Variants in RPRD2 observed in about 807,000 individuals in gnomAD.
RPRD2 encodes regulation of nuclear pre-mRNA domain containing 2.
In RPRD2, 12 loss-of-function variants were observed where a neutral mutation model predicts 104.4. The ratio of observed to expected loss-of-function variants is 0.11; its 90% confidence interval spans 0.07 to 0.19. RPRD2 has a LOEUF of 0.19. RPRD2 is among the 10% of genes least tolerant of loss of function. The probability of loss-of-function intolerance (pLI) is 1.00; values close to 1 mark genes in which losing one functional copy is unlikely to be tolerated. For missense variants in RPRD2, 1,543 were observed against 1,790.1 expected, an observed-to-expected ratio of 0.86 and a Z score of 2.49; for synonymous variants, 714 against 684.9, an observed-to-expected ratio of 1.04 and a Z score of -0.66.
At position 150,471,397 on chromosome 1, in the gene RPRD2, T is replaced by G. The variant is rs1668579164; in HGVS notation, c.2449T>G (p.Ser817Ala). 2 of 1,613,866 alleles carry G rather than the reference T, an allele frequency of 1.2e-6. No homozygotes were observed. The highest frequency in any genetic ancestry group is 1.7e-5 in the Admixed American group (1 of 60,006). The change falls in exon 11 of 11, where the codon TCA becomes GCA. Residue 817 changes from serine to alanine, a missense_variant. This residue lies in a region of RPRD2 where 880 missense variants were observed against 885.6 expected (regional missense o/e 0.99). Transcript: ENST00000369068. The surrounding 1 kb of genome is among the most constrained non-coding windows in gnomAD (Gnocchi z 5.3). The part of the protein sequence containing the change: ...MERPSSLMDS[S>A]QEKFYPDTSF... ...GAGACCATCTTCCCTGATGGACTCTTCACAGGAAAAGTTCTACCCAGATAC... is the reference window on the plus strand; with the variant it reads ...GAGACCATCTTCCCTGATGGACTCTGCACAGGAAAAGTTCTACCCAGATAC...
In RPRD2 at chr1:150,471,719, G is replaced by A. The variant is rs777786278; in HGVS notation, c.2771G>A (p.Gly924Glu). The change falls in exon 11 of 11, where the codon GGG (glycine) becomes GAG (glutamate). Residue 924 changes from glycine to glutamate, a missense_variant. By Grantham distance (98) the Gly-to-Glu change is moderately conservative (BLOSUM62 -2). Coordinates refer to ENST00000369068, the MANE Select transcript of RPRD2 (RefSeq NM_015203.5). This position sits in a 1 kb window ranked among gnomAD's most constrained non-coding sequence, Gnocchi z 5.3. ...TTCAGCGTAAGAGGGAATGAACCTG[G>A]GTCTGACCGGTCACCATCACCGAGT... The part of the protein sequence containing the change: ...GAFSVRGNEP[G>E]SDRSPSPSKN... 9 of 1,613,752 alleles carry A rather than the reference G, an allele frequency of 5.6e-6. No individual in the cohort carries two copies. In the Admixed American group the frequency reaches 6.7e-5, roughly 12 times the overall value.
chr1:150,364,708 C>T lies in RPRD2; in HGVS notation c.-7C>T, dbSNP rs782580211. 5.6e-5 allele frequency: 87 copies of T among 1,549,978 alleles called. No homozygotes were observed. The highest frequency in any genetic ancestry group is 9.6e-6 in the Non-Finnish European group (11 of 1,143,466). On this transcript the variant is annotated 5_prime_UTR_variant, in exon 1 of 11. Transcript: ENST00000369068. ...GAGGAGCAGCAGCGCTTGTGCAAAC[C>T]GGGAAGATGGCGGCCGGCGGCGGCG...
intron 7 of RPRD2, among the ~76,000 whole-genome samples, chr1:150,452,340 G>A (rs1553896814): frequency 6.6e-6 from 1 of 152,096 alleles, no homozygotes; most frequent in Non-Finnish European, 1.5e-5. Context: ...ACAGCCTGCT[G>A]ACATCTTAAT....
chr1:150,470,458 T>C (rs886246682), intron 10 of RPRD2, 103 bp from the exon 11 acceptor site: 23 of 1,225,676 alleles, frequency 1.9e-5, no homozygotes, highest in Non-Finnish European at 2.5e-5. Context: ...TTTGTCTATC[T>C]GGTTCCCACC....
At chr1:150,416,888 A>AC (rs1384471709) in intron 1 of RPRD2, among the ~76,000 whole-genome samples, 5 of 151,182 alleles carry the variant, frequency 3.3e-5, no homozygotes, top group African/African-American at 1.2e-4. Flanking sequence ...AAAAAAAAAA[A>AC]AAACAAAAAG....
intron 7 of RPRD2, among the ~76,000 whole-genome samples, chr1:150,453,045 T>C (rs1667303965): frequency 6.6e-6 from 1 of 151,348 alleles, no homozygotes; most frequent in Admixed American, 6.6e-5. Flanking sequence ...TTTTTTTTTT[T>C]TTTTGGAGAC....
At chr1:150,470,447 C>G in intron 10 of RPRD2, 114 bp from the exon 11 acceptor site, 1 of 1,112,170 alleles carries the variant, frequency 9.0e-7, no homozygotes, top group South Asian at 1.7e-5. Flanking sequence ...TGGCCTTACA[C>G]TTTGTCTATC....
At chr1:150,441,641 G>A in intron 3 of RPRD2, 1 of 360,924 alleles carries the variant, frequency 2.8e-6, no homozygotes, top group East Asian at 4.5e-5. Flanking sequence ...GTATTTTTAA[G>A]CCTCCTCCCC....
chr1:150,462,805 T>C (rs1178663959), intron 9 of RPRD2, among the ~76,000 whole-genome samples: 2 of 152,182 alleles, frequency 1.3e-5, no homozygotes, highest in African/African-American at 2.4e-5. Context: ...TCTGCTCGCG[T>C]TGGCCTCCCA....
intron 4 of RPRD2, 37 bp downstream of exon 4, chr1:150,441,995 C>T (rs201495323): frequency 2.7e-6 from 4 of 1,475,070 alleles, no homozygotes; most frequent in Non-Finnish European, 3.8e-6. Flanking sequence ...AAAATTACCT[C>T]CTCTTTTTGG....
chr1:150,379,800 T>A (rs1372536010), intron 1 of RPRD2, among the ~76,000 whole-genome samples: 1 of 152,214 alleles, frequency 6.6e-6, no homozygotes, highest in Non-Finnish European at 1.5e-5. Flanking sequence ...CCTCCCTAAG[T>A]ACTGGGATTA....
chr1:150,433,403 A>G (rs1665739104), intron 2 of RPRD2, among the ~76,000 whole-genome samples: 1 of 134,172 alleles, frequency 7.5e-6, no homozygotes, highest in South Asian at 2.4e-4. Flanking sequence ...TATAATATAT[A>G]TATACTATAT....
chr1:150,417,866 T>G, intron 2 of RPRD2, 141 bp downstream of exon 2: 1 of 496,268 alleles, frequency 2.0e-6, no homozygotes, highest in Non-Finnish European at 3.3e-6. Context: ...ATTACTTTCT[T>G]GTTAACACAC....
chr1:150,397,738 T>C (rs1378547667), intron 1 of RPRD2, among the ~76,000 whole-genome samples: 1 of 152,172 alleles, frequency 6.6e-6, no homozygotes, highest in Non-Finnish European at 1.5e-5. Context: ...AAAGCCACCA[T>C]AAACATTTCT....
At chr1:150,411,629 G>A (rs1373714786) in intron 1 of RPRD2, among the ~76,000 whole-genome samples, 177 of 107,408 alleles carry the variant, frequency 1.6e-3, no homozygotes, top group Middle Eastern at 6.8e-3. Context: ...CGTCTCTACT[G>A]AAAATACAAA....
At chr1:150,436,688 C>G (rs193279329) in intron 2 of RPRD2, among the ~76,000 whole-genome samples, 49 of 151,162 alleles carry the variant, frequency 3.2e-4, no homozygotes, top group African/African-American at 1.1e-3. Flanking sequence ...GGATGGATCA[C>G]TTGAGGTCAG....
In RPRD2 at chr1:150,459,614, C is replaced by T. The variant is rs1344034934; in HGVS notation, c.1154-446C>T. The stretch of plus-strand genomic sequence containing the variant: ...CTTGCTTTTTTTTTTTTTTTTGAGA[C>T]GGGAGTCTCGCTTTGTTGCCCAGGC... On this transcript the variant is annotated intron_variant, in intron 8 of 10. Transcript: ENST00000369068. Among the ~76,000 whole-genome samples the T allele has an allele frequency of 5.1e-5, 7 of 136,894 alleles. No homozygotes were observed. In the East Asian group the frequency reaches 6.3e-4, roughly 12 times the overall value. The allele number at this position is 136,894 out of a possible 152,430, so 89.8% of individuals were successfully genotyped here.
In RPRD2 at chr1:150,364,203, C is replaced by G. The variant is rs1355758197; in HGVS notation, c.-512C>G. 6.6e-6 allele frequency among the ~76,000 whole-genome samples: 1 copy of G among 152,200 alleles called. No individual in the cohort carries two copies. Among genetic ancestry groups the G allele is most frequent in the Non-Finnish European group, 1.5e-5 (1 of 68,042 alleles). ...GCAAAAAAAATCCTGACTAGGTAGC[C>G]TTGGACCTTTTCTGTGCTAGCGAGT... On this transcript the variant is annotated 5_prime_UTR_variant, in exon 1 of 11. Coordinates refer to ENST00000369068, the MANE Select transcript of RPRD2 (RefSeq NM_015203.5).
chr1:150,410,260 GA>G (rs1467668254), intron 1 of RPRD2, among the ~76,000 whole-genome samples: 1 of 152,160 alleles, frequency 6.6e-6, no homozygotes, highest in Non-Finnish European at 1.5e-5. Context: ...TCTTGTTAAA[GA>G]GGGGACCATT....
Sources: gnomAD v4.1 joint callset for allele counts (sites outside exome capture counted in the v4.1 genomes callset) on GRCh38, gnomAD v4.1.1 for gene constraint, gnomAD v4.1.1 regional missense constraint, Gnocchi (gnomAD v3.1) non-coding constraint, MANE v1.5 for transcripts, NCBI Gene and HGNC (gene_info 2026-07-23, HGNC 2026-07-21) for gene names.